The following ISLR2 variants were observed in gnomAD, a reference collection of about 807,000 sequenced individuals.
ISLR2 encodes the protein immunoglobulin superfamily containing leucine rich repeat 2, also known as immunoglobulin superfamily containing leucine-rich repeat protein 2.
A neutral mutation model predicts 25.5 loss-of-function variants in ISLR2; 16 were observed. That is an observed-to-expected ratio of 0.63 (90% CI 0.43 to 0.95). The LOEUF is 0.95. Ranked by LOEUF, ISLR2 falls within the 40% of genes least tolerant of loss-of-function variation. The pLI is 0.00. For synonymous variants in ISLR2, 508 were observed against 486.6 expected (o/e 1.04, Z -0.58); for missense variants, 883 against 1,030.7 (o/e 0.86, Z 1.96).
intron 2 of ISLR2, among the ~76,000 whole-genome samples, chr15:74,113,576 T>C (rs2072187634): frequency 6.6e-6 from 1 of 152,218 alleles, no homozygotes; most frequent in Non-Finnish European, 1.5e-5. Context: ...GGTTATGTTA[T>C]CCTACTCTAG....
chr15:74,119,749 T>C (rs577656820), intron 2 of ISLR2, among the ~76,000 whole-genome samples: 1 of 152,294 alleles, frequency 6.6e-6, no homozygotes, highest in Non-Finnish European at 1.5e-5. Context: ...TATACTTTAA[T>C]AAAGATGAGG....
chr15:74,105,536 A>G (rs2072113001), intron 2 of ISLR2, among the ~76,000 whole-genome samples: 1 of 116,846 alleles, frequency 8.6e-6, no homozygotes, highest in Non-Finnish European at 1.8e-5. Context: ...TGCAGTCAGC[A>G]CGGATCTGCT....
chr15:74,104,264 T>TG (rs2072103019), intron 2 of ISLR2, among the ~76,000 whole-genome samples: 1 of 152,162 alleles, frequency 6.6e-6, no homozygotes, highest in Non-Finnish European at 1.5e-5. Context: ...TGCTGGCATG[T>TG]GGCAGGCGGA....
At chr15:74,108,903 A>G (rs1040294991) in intron 2 of ISLR2, among the ~76,000 whole-genome samples, 6 of 152,272 alleles carry the variant, frequency 3.9e-5, no homozygotes, top group Middle Eastern at 6.8e-3. Context: ...AGGACCTAGC[A>G]TGTGCCCAGG....
downstream of ISLR2, among the ~76,000 whole-genome samples, chr15:74,137,348 G>C (rs1031412336): frequency 2.0e-5 from 3 of 152,216 alleles, no homozygotes; most frequent in Non-Finnish European, 2.9e-5. Flanking sequence ...AAGCAGGAAA[G>C]GGGGAGAACC....
At chr15:74,123,891 A>G (rs529575029), upstream of ISLR2, among the ~76,000 whole-genome samples, 2 of 152,302 alleles carry the variant, frequency 1.3e-5, no homozygotes, top group East Asian at 1.9e-4. Context: ...CTCTAGGCAC[A>G]GCTACTTGGG....
upstream of ISLR2, chr15:74,126,938 G>C (rs1226091620): frequency 7.0e-6 from 1 of 143,690 alleles, no homozygotes; most frequent in African/African-American, 2.9e-5. Context: ...GTGTGTGTGT[G>C]TGTGTGTGTG....
chr15:74,128,519 G>A (rs1203662727), upstream of ISLR2: 1 of 456,508 alleles, frequency 2.2e-6, no homozygotes, highest in Non-Finnish European at 4.4e-6. Flanking sequence ...CTGGTCCTCG[G>A]GCCCCGAAGT....
chr15:74,121,868 G>A (rs909848938), intron 2 of ISLR2, among the ~76,000 whole-genome samples: 2 of 152,178 alleles, frequency 1.3e-5, no homozygotes, highest in South Asian at 2.1e-4. Context: ...TCTCTATGGG[G>A]CCTGATTTGG....
At chr15:74,123,034 C>T (rs1256031181) in intron 2 of ISLR2, among the ~76,000 whole-genome samples, 1 of 152,156 alleles carries the variant, frequency 6.6e-6, no homozygotes, top group African/African-American at 2.4e-5. Context: ...CTTTCCTGGT[C>T]AATGTGCCAG....
At chr15:74,127,924 T>A (rs925771371), upstream of ISLR2, 5 of 157,048 alleles carry the variant, frequency 3.2e-5, no homozygotes, top group African/African-American at 1.2e-4. Context: ...GAAGCCTTAG[T>A]CTGGATTCGG....
chr15:74,140,165 G>T (rs1388885255), downstream of ISLR2, among the ~76,000 whole-genome samples: 1 of 152,118 alleles, frequency 6.6e-6, no homozygotes, highest in Non-Finnish European at 1.5e-5. Context: ...TAATATAAAA[G>T]AACAAAGGAA....
At position 74,133,934 on chromosome 15, in the gene ISLR2, A is replaced by G; in HGVS notation, c.1180A>G (p.Thr394Ala). ...GGGAGAACCCGACGGACAGGCCCCG[A>G]CCTCTGAGCGCAAGTCCACAGCCAA... ...AGGEPDGQAP[T>A]SERKSTAKGR... is the part of the protein sequence containing the mutation. The change falls in exon 3 of 3, where the codon ACC (threonine) becomes GCC (alanine). Residue 394 changes from threonine to alanine, a missense_variant. By Grantham distance (58) the Thr-to-Ala change is moderately conservative. Around this residue, in one of 2 missense-constraint regions of ISLR2, gnomAD observed 612 missense variants for 642.8 expected, o/e 0.95. Transcript: ENST00000453268. 6.2e-7 allele frequency: 1 copy of G among 1,604,440 alleles called. No individual in the cohort carries two copies. Among genetic ancestry groups the G allele is most frequent in the East Asian group, 2.3e-5 (1 of 44,404 alleles).
chr15:74,139,863 AGTGTGTGTGTGTGTGTGTGTGTGTGTGT>A (rs10579764), downstream of ISLR2, among the ~76,000 whole-genome samples: 25 of 128,050 alleles, frequency 2.0e-4, no homozygotes, highest in Admixed American at 1.9e-3. Flanking sequence ...CGGCTTGAGG[AGTGTGTGTGTGTGTGTGTGTGTGTGTGT>A]GTGTGTGTGT....
Position 74,105,792 on chromosome 15 carries a change from C to T in ISLR2, n.228+1878C>T, listed in dbSNP as rs1428274381. On this transcript the variant is annotated intron_variant and non_coding_transcript_variant, in intron 2 of 3. Coordinates refer to the ISLR2 transcript ENST00000561975. ...GAAAAGCCTATATTGTCAAGATGCC[C>T]ACTCCTCAGTTAACCCAAACATTCC... 2.6e-5 allele frequency among the ~76,000 whole-genome samples: 4 copies of T among 152,134 alleles called. No individual in the cohort carries two copies. The East Asian group carries it at 5.8e-4, about 22-fold the overall frequency.
Position 74,120,662 on chromosome 15 carries a change from A to G in ISLR2, n.229-10545A>G, listed in dbSNP as rs79876964. Among the ~76,000 whole-genome samples the G allele has an allele frequency of 1.3e-3, 199 of 152,028 alleles. 3 individuals are homozygous for G. The East Asian group carries it at 0.02, about 15-fold the overall frequency. On this transcript the variant is annotated intron_variant and non_coding_transcript_variant, in intron 2 of 3. Transcript: ENST00000561975. ...TGTGTGTGTGTGGAAGTTAAAAGAT[A>G]GGCTTTGGAGGGACCTGGCTTTAAA...
intron 2 of ISLR2, among the ~76,000 whole-genome samples, chr15:74,108,727 C>T (rs553559999): frequency 6.6e-6 from 1 of 152,346 alleles, no homozygotes; most frequent in African/African-American, 2.4e-5. Context: ...ACACATGTCC[C>T]AAGGAGTTTT....
chr15:74,126,400 G>C (rs1036958904), upstream of ISLR2: 1 of 140,478 alleles, frequency 7.1e-6, no homozygotes, highest in Non-Finnish European at 1.5e-5. Flanking sequence ...TGTCGCCCAG[G>C]CCGGAATGCA....
At chr15:74,113,624 T>G (rs184015601) in intron 2 of ISLR2, among the ~76,000 whole-genome samples, 3 of 152,350 alleles carry the variant, frequency 2.0e-5, no homozygotes, top group Admixed American at 2.0e-4. Context: ...AAATTGCTGT[T>G]GGGTTAACTT....
Sources: allele counts gnomAD v4.1 joint callset (sites outside exome capture counted in the v4.1 genomes callset), GRCh38; gene constraint gnomAD v4.1.1; regional missense constraint gnomAD v4.1.1; transcripts MANE v1.5; gene names NCBI Gene and HGNC (gene_info 2026-07-23, HGNC 2026-07-21).